Variants in GNPTG observed in about 807,000 individuals in gnomAD.
GNPTG encodes N-acetylglucosamine-1-phosphate transferase subunit gamma.
In GNPTG, 46 loss-of-function variants were observed where a neutral mutation model predicts 43.8. The observed-to-expected ratio is 1.05, with a 90% CI of 0.83 to 1.34. The LOEUF is 1.34. Ranked by LOEUF, GNPTG falls within the 40% of genes most tolerant of loss-of-function variation. The pLI is 0.00. For synonymous variants in GNPTG, 250 were observed against 172.8 expected, an observed-to-expected ratio of 1.45 and a Z score of -3.50; for missense variants, 549 against 411.3, an observed-to-expected ratio of 1.33 and a Z score of -2.90.
chr16:1,360,174 T>G (rs1468527647), intron 3 of GNPTG, among the ~76,000 whole-genome samples: 1 of 152,138 alleles, frequency 6.6e-6, no homozygotes, highest in African/African-American at 2.4e-5. Context: ...TGTTTGTGCG[T>G]GGATAATTGT....
At position 1,362,301 on chromosome 16, in the gene GNPTG, C is replaced by T. The variant is rs2034908673; in HGVS notation, c.507C>T (p.Cys169=). The change falls in exon 7 of 11, where the codon TGC becomes TGT. Residue 169 remains cysteine, a synonymous_variant. Coordinates refer to ENST00000204679, the MANE Select transcript of GNPTG (RefSeq NM_032520.5). ...TGACGTTCGAGACCCCCCTCGTCTG[C>T]CACCCCCACGCCTTGCTAGGTAGGG... ...YALTFETPLV[C]HPHALLVYPT... 1.9e-6 allele frequency: 3 copies of T among 1,613,110 alleles called. No individual in the cohort carries two copies. The highest frequency in any genetic ancestry group is 2.5e-6 in the Non-Finnish European group (3 of 1,179,888).
At chr16:1,357,127 AG>A (rs1489990391) in intron 3 of GNPTG, among the ~76,000 whole-genome samples, 5 of 152,126 alleles carry the variant, frequency 3.3e-5, no homozygotes, top group African/African-American at 4.8e-5. Flanking sequence ...GCTGAGGTAG[AG>A]CCCCCAGCGG....
chr16:1,361,977 A>G, intron 5 of GNPTG, 22 bp downstream of exon 5: 2 of 1,613,320 alleles, frequency 1.2e-6, no homozygotes, highest in African/African-American at 2.7e-5. Context: ...CGGGGCAGGG[A>G]TCCCAAAGCA....
intron 3 of GNPTG, among the ~76,000 whole-genome samples, chr16:1,358,619 G>T (rs976776026): frequency 2.6e-5 from 4 of 152,112 alleles, no homozygotes; most frequent in Non-Finnish European, 4.4e-5. Flanking sequence ...GAGTAGCTTT[G>T]CTGGATCTTA....
chr16:1,352,894 A>G (rs911289620), intron 3 of GNPTG, among the ~76,000 whole-genome samples: 5 of 151,730 alleles, frequency 3.3e-5, no homozygotes, highest in African/African-American at 1.2e-4. Context: ...CAGAAGTGGA[A>G]TTGGTGGGTC....
At chr16:1,355,123 C>A (rs925959042) in intron 3 of GNPTG, among the ~76,000 whole-genome samples, 77 of 151,126 alleles carry the variant, frequency 5.1e-4, no homozygotes, top group Middle Eastern at 3.4e-3. Context: ...GGATGGTCTC[C>A]CGCCTCTGCG....
chr16:1,361,481 A>G lies in GNPTG; in HGVS notation c.179-262A>G, dbSNP rs538860870. 9 of 425,174 alleles carry G rather than the reference A, an allele frequency of 2.1e-5. 1 individual carries two copies. The highest frequency in any genetic ancestry group is 1.9e-4 in the South Asian group (9 of 47,482). The allele number at this position is 425,174 out of a possible 1,614,324, so 26.3% of individuals were successfully genotyped here. A position where few individuals can be genotyped will look rare whatever the true frequency, so the allele number is the denominator to read the frequency against. On this transcript the variant is annotated intron_variant, in intron 3 of 10. Transcript: ENST00000204679. Reference sequence around the variant, plus strand: ...AACGCGGTGAAACCCCGTCTCTACTAAAAATACAAAAAATTAGCCGGGCAT... The same window carrying G: ...AACGCGGTGAAACCCCGTCTCTACTGAAAATACAAAAAATTAGCCGGGCAT...
At chr16:1,353,825 CA>C (rs2034726218) in intron 3 of GNPTG, among the ~76,000 whole-genome samples, 1 of 152,136 alleles carries the variant, frequency 6.6e-6, no homozygotes, top group Non-Finnish European at 1.5e-5. Flanking sequence ...TAAGAAGTGA[CA>C]TTTCAGCCAA....
chr16:1,355,552 G>C (rs1298014607), intron 3 of GNPTG, among the ~76,000 whole-genome samples: 1 of 152,160 alleles, frequency 6.6e-6, no homozygotes, highest in East Asian at 1.9e-4. Flanking sequence ...ACAGCAGGAG[G>C]AGCAGAGGTT....
chr16:1,352,142 G>A lies in GNPTG; in HGVS notation c.93G>A (p.Glu31=). Residue 31 remains glutamate (E), a synonymous_variant, in exon 2 of 11, where the codon GAG becomes GAA. Transcript: ENST00000204679. ...GTGCAGCGAAGATGAAGGTGGTGGA[G>A]GAGCCCAACGCGTTTGGGTGAGCAG... ...PAGAAKMKVV[E]EPNAFGVNNP... is the part of the protein sequence containing the mutation. The A allele has an allele frequency of 1.9e-6, 3 of 1,581,940 alleles. No individual in the cohort carries two copies. Among genetic ancestry groups the A allele is most frequent in the East Asian group, 2.3e-5 (1 of 43,244 alleles).
chr16:1,354,385 G>C (rs1184798388), intron 3 of GNPTG, among the ~76,000 whole-genome samples: 2 of 151,850 alleles, frequency 1.3e-5, no homozygotes, highest in Admixed American at 6.6e-5. Flanking sequence ...AGACCAGCCT[G>C]GCCAACATGG....
At chr16:1,356,680 G>A (rs542736292) in intron 3 of GNPTG, among the ~76,000 whole-genome samples, 1 of 152,222 alleles carries the variant, frequency 6.6e-6, no homozygotes, top group Non-Finnish European at 1.5e-5. Context: ...TGGGGAGCCA[G>A]GCCAGGCCCC....
chr16:1,355,095 G>C (rs1015395715), intron 3 of GNPTG, among the ~76,000 whole-genome samples: 27 of 150,944 alleles, frequency 1.8e-4, no homozygotes, highest in African/African-American at 5.9e-4. Flanking sequence ...GGTCTCCCGC[G>C]TCTGCGGGGT....
At chr16:1,354,579 T>A (rs1281324678) in intron 3 of GNPTG, among the ~76,000 whole-genome samples, 1 of 50,778 alleles carries the variant, frequency 2.0e-5, no homozygotes, top group Non-Finnish European at 3.5e-5. Flanking sequence ...GAGCAAGACT[T>A]CGTCTCAAAA....
At chr16:1,352,540 T>C (rs1042348525) in intron 3 of GNPTG, 7 of 567,028 alleles carry the variant, frequency 1.2e-5, no homozygotes, top group Non-Finnish European at 2.2e-5. Context: ...CTGTTAATAG[T>C]CTGGTGACTT....
At chr16:1,360,260 C>T (rs1477281474) in intron 3 of GNPTG, among the ~76,000 whole-genome samples, 2 of 152,214 alleles carry the variant, frequency 1.3e-5, no homozygotes, top group African/African-American at 2.4e-5. Flanking sequence ...CACTTCAGCT[C>T]TCTTTTGCCT....
chr16:1,354,595 A>AAAAAAAAAAAAAAAC (rs1596605543), intron 3 of GNPTG, among the ~76,000 whole-genome samples: 1 of 149,942 alleles, frequency 6.7e-6, no homozygotes, highest in Non-Finnish European at 1.5e-5. Context: ...CAAAAAAAAA[A>AAAAAAAAAAAAAAAC]AAAAAAAAAA....
chr16:1,354,514 A>G (rs2034737378), intron 3 of GNPTG, among the ~76,000 whole-genome samples: 1 of 129,738 alleles, frequency 7.7e-6, no homozygotes, highest in South Asian at 2.7e-4. Flanking sequence ...TGAATCCAGG[A>G]GGCGGAGGCT....
In GNPTG at chr16:1,362,314, T is replaced by G. The variant is rs1194591382; in HGVS notation, c.520T>G (p.Leu174Val). The change falls in exon 7 of 11, where the codon TTG becomes GTG. Residue 174 changes from leucine to valine, a missense_variant. Coordinates refer to ENST00000204679, the MANE Select transcript of GNPTG (RefSeq NM_032520.5). ...ETPLVCHPHALLVYPTLPEAL... is the reference protein window; with the variant it reads ...ETPLVCHPHAVLVYPTLPEAL... ...CCCCCTCGTCTGCCACCCCCACGCC[T>G]TGCTAGGTAGGGGTGCGGGACGCAG... is the stretch of plus-strand genomic sequence containing the variant. 1.2e-6 allele frequency: 2 copies of G among 1,612,686 alleles called. No individual in the cohort carries two copies. Among genetic ancestry groups the G allele is most frequent in the African/African-American group, 1.3e-5 (1 of 74,932 alleles).
Sources: gnomAD v4.1 joint callset for allele counts (sites outside exome capture counted in the v4.1 genomes callset) on GRCh38, gnomAD v4.1.1 for gene constraint, MANE v1.5 for transcripts, NCBI Gene and HGNC (gene_info 2026-07-23, HGNC 2026-07-21) for gene names.